Variants in ROPN1L observed in about 807,000 individuals in gnomAD.
The protein encoded by ROPN1L is ropporin-1-like protein.
A neutral mutation model predicts 22.7 loss-of-function variants in ROPN1L; 23 were observed. The observed-to-expected ratio is 1.01, with a 90% CI of 0.73 to 1.43. ROPN1L has a LOEUF of 1.43. Among genes scored for constraint, ROPN1L ranks in the 40% most tolerant of loss-of-function variants. The probability of loss-of-function intolerance (pLI) is 0.00; values close to 1 mark genes in which losing one functional copy is unlikely to be tolerated. For missense variants in ROPN1L, 271 were observed against 291.5 expected (o/e 0.93, Z 0.51); for synonymous variants, 116 against 117.8 (o/e 0.98, Z 0.10).
chr5:10,461,325 A>G lies in ROPN1L; in HGVS notation c.559A>G (p.Thr187Ala), dbSNP rs992537737. The change falls in exon 4 of 5, where the codon ACG becomes GCG. Residue 187 changes from threonine to alanine, a missense_variant. Physicochemically the swap from Thr to Ala is moderately conservative, Grantham distance 58. Transcript: ENST00000274134. ...AGACTCAGATGTGTCTCCCTTGGAGACGGAATCCTACCTTGCCTCTCTAAA... is the reference window on the plus strand; with the variant it reads ...AGACTCAGATGTGTCTCCCTTGGAGGCGGAATCCTACCTTGCCTCTCTAAA... ...RLDSDVSPLE[T>A]ESYLASLKEN... 2 of 1,613,960 alleles carry G rather than the reference A, an allele frequency of 1.2e-6. No individual in the cohort carries two copies. The highest frequency in any genetic ancestry group is 4.5e-5 in the East Asian group (2 of 44,868).
chr5:10,441,997 G>A lies in ROPN1L; in HGVS notation c.-171G>A. On this transcript the variant is annotated 5_prime_UTR_variant, in exon 1 of 5. Coordinates refer to ENST00000274134, the MANE Select transcript of ROPN1L (RefSeq NM_031916.5). ...CCGAATTTCTCCCGAAGCCCGCGGA[G>A]GAGCGGGTAAGAGCCCCGCGAATCC... 4 of 824,316 alleles carry A rather than the reference G, an allele frequency of 4.9e-6. No homozygotes were observed. The highest frequency in any genetic ancestry group is 7.5e-6 in the Non-Finnish European group (4 of 536,568). 51.1% of individuals were successfully genotyped at this position (824,316 alleles called of 1,614,324 possible).
chr5:10,449,903 C>T, intron 2 of ROPN1L, 49 bp from the exon 3 acceptor site: 1 of 1,523,116 alleles, frequency 6.6e-7, no homozygotes, highest in South Asian at 1.2e-5. Flanking sequence ...TTCATTGTTT[C>T]CCAGGTTTTA....
intron 3 of ROPN1L, among the ~76,000 whole-genome samples, chr5:10,452,171 G>A (rs1270032153): frequency 6.6e-6 from 1 of 151,638 alleles, no homozygotes; most frequent in East Asian, 1.9e-4. Context: ...AGTAGAGATG[G>A]GGTTTCACCA....
chr5:10,449,273 C>T (rs1027284921), intron 2 of ROPN1L, among the ~76,000 whole-genome samples: 2 of 152,210 alleles, frequency 1.3e-5, no homozygotes, highest in Non-Finnish European at 2.9e-5. Context: ...AATCCCAGTA[C>T]TTTGGGAGGC....
chr5:10,453,453 G>T (rs1232304322), intron 3 of ROPN1L, among the ~76,000 whole-genome samples: 1 of 152,130 alleles, frequency 6.6e-6, no homozygotes, highest in Non-Finnish European at 1.5e-5. Context: ...ATTCAAGGAG[G>T]GGTTTCTTCA....
Position 10,449,950 on chromosome 5 carries a change from A to G in ROPN1L, c.256-2A>G, listed in dbSNP as rs146008053. The G allele has an allele frequency of 6.9e-5, 110 of 1,602,836 alleles. No homozygotes were observed. The African/African-American group carries it at 1.3e-3, about 18-fold the overall frequency. ...AATTGTCATGCTGTGTTTTCCAAACAGTGTCACCACAAGCGGTATGTGGAA... is the reference window on the plus strand; with the variant it reads ...AATTGTCATGCTGTGTTTTCCAAACGGTGTCACCACAAGCGGTATGTGGAA... On this transcript the variant is annotated splice_acceptor_variant, in intron 2 of 4. Transcript: ENST00000274134. LOFTEE classifies it high-confidence loss of function.
chr5:10,443,024 CAGG>C (rs1740934469), intron 1 of ROPN1L, among the ~76,000 whole-genome samples: 1 of 152,130 alleles, frequency 6.6e-6, no homozygotes, highest in South Asian at 2.1e-4. Context: ...AGAGTCAGCA[CAGG>C]TGTAAATTTA....
At chr5:10,454,519 C>CT (rs370245593) in intron 3 of ROPN1L, among the ~76,000 whole-genome samples, 228 of 147,164 alleles carry the variant, frequency 1.5e-3, no homozygotes, top group African/African-American at 4.6e-3. Flanking sequence ...GCATGGAGAT[C>CT]TTTTTTTTTT....
chr5:10,453,892 C>T (rs546843001), intron 3 of ROPN1L, among the ~76,000 whole-genome samples: 1 of 146,670 alleles, frequency 6.8e-6, no homozygotes, highest in Non-Finnish European at 1.5e-5. Flanking sequence ...AACGGGCAAA[C>T]ATCACCAGAC....
At chr5:10,470,769 C>T (rs1196863880) in intron 4 of ROPN1L, among the ~76,000 whole-genome samples, 1 of 152,250 alleles carries the variant, frequency 6.6e-6, no homozygotes, top group Non-Finnish European at 1.5e-5. Flanking sequence ...CACACAGCAT[C>T]CATGAAGTGC....
chr5:10,468,987 C>G (rs373476717), downstream of ROPN1L, among the ~76,000 whole-genome samples: 588 of 152,142 alleles, frequency 3.9e-3, 3 homozygotes, highest in African/African-American at 0.014. Context: ...AACCCCGTCT[C>G]TACTAAAAAT....
downstream of ROPN1L, among the ~76,000 whole-genome samples, chr5:10,475,660 T>C (rs1735308119): frequency 3.3e-5 from 5 of 152,302 alleles, no homozygotes; most frequent in Middle Eastern, 3.4e-3. Flanking sequence ...AGACAGAGCA[T>C]GGGGCAACAG....
chr5:10,451,368 G>C (rs1247446088), intron 3 of ROPN1L, among the ~76,000 whole-genome samples: 1 of 152,172 alleles, frequency 6.6e-6, no homozygotes, highest in African/African-American at 2.4e-5. Flanking sequence ...CTGCCTGGTG[G>C]CCTGAAGCAA....
intron 4 of ROPN1L, 88 bp from the exon 5 acceptor site, chr5:10,464,760 C>A: frequency 2.7e-6 from 2 of 736,880 alleles, no homozygotes; most frequent in Non-Finnish European, 4.3e-6. Context: ...AAAAGTAGAC[C>A]TTTTAAATTA....
chr5:10,457,674 C>A (rs1449692676), intron 3 of ROPN1L, among the ~76,000 whole-genome samples: 2 of 152,116 alleles, frequency 1.3e-5, no homozygotes, highest in Non-Finnish European at 2.9e-5. Flanking sequence ...TCATTTTGTC[C>A]CATAGCCTGG....
intron 1 of ROPN1L, 125 bp downstream of exon 1, chr5:10,442,423 C>A (rs1267666270): frequency 4.9e-6 from 6 of 1,230,462 alleles, no homozygotes; most frequent in Non-Finnish European, 6.7e-6. Flanking sequence ...TCAGGCAAAA[C>A]TTTCCCCTTA....
chr5:10,452,315 CTG>C lies in ROPN1L; in HGVS notation c.417+2226_417+2227del, dbSNP rs70947209. ...TGTGTGTGTGTGTGTGTGTGTGTGT[CTG>C]TGTGTGTGTGTGTGTGTGTGTGTAT... On this transcript the variant is annotated intron_variant, in intron 3 of 4. Transcript: ENST00000274134. Among the ~76,000 whole-genome samples, 1,155 of 125,454 alleles carry C rather than the reference CTG, an allele frequency of 9.2e-3. 21 individuals carry two copies. The highest frequency in any genetic ancestry group is 0.032 in the African/African-American group (1,031 of 32,508). 82.3% of individuals were successfully genotyped at this position (125,454 alleles called of 152,430 possible). A position where few individuals can be genotyped will look rare whatever the true frequency, so the allele number is the denominator to read the frequency against.
chr5:10,468,030 C>T (rs961578035), downstream of ROPN1L, among the ~76,000 whole-genome samples: 1 of 152,232 alleles, frequency 6.6e-6, no homozygotes, highest in African/African-American at 2.4e-5. Context: ...CTTAGATCAC[C>T]CACACATCGG....
intron 3 of ROPN1L, among the ~76,000 whole-genome samples, chr5:10,458,570 A>G (rs1337126030): frequency 3.2e-5 from 1 of 31,514 alleles, no homozygotes; most frequent in Admixed American, 4.8e-4. Context: ...CATGTACACC[A>G]TCCCCCCTAT....
Sources: gnomAD v4.1 joint callset for allele counts (sites outside exome capture counted in the v4.1 genomes callset) on GRCh38, gnomAD v4.1.1 for gene constraint, MANE v1.5 for transcripts, NCBI Gene and HGNC (gene_info 2026-07-23, HGNC 2026-07-21) for gene names.